The following TRIP12 variants were observed in gnomAD, a reference collection of about 807,000 sequenced individuals.
TRIP12 encodes the protein thyroid hormone receptor interactor 12.
TRIP12 carries 25 observed loss-of-function variants against 244.2 expected under a neutral mutation model. The observed-to-expected ratio is 0.10, with a 90% CI of 0.07 to 0.14. TRIP12 has a LOEUF of 0.14. TRIP12 is among the 10% of genes least tolerant of loss of function. The pLI is 1.00. For synonymous variants in TRIP12, 905 were observed against 873.1 expected, an observed-to-expected ratio of 1.04 and a Z score of -0.64; for missense variants, 1,677 against 2,486.4, an observed-to-expected ratio of 0.67 and a Z score of 6.92.
At chr2:229,862,647 T>TA (rs1208004307) in intron 2 of TRIP12, among the ~76,000 whole-genome samples, 1 of 152,154 alleles carries the variant, frequency 6.6e-6, no homozygotes, top group South Asian at 2.1e-4. Flanking sequence ...CCAAAACAAT[T>TA]AAAAATTATG....
In TRIP12 at chr2:229,835,693, T is replaced by C. The variant is rs115059549; in HGVS notation, c.1270+1155A>G. Among the ~76,000 whole-genome samples the C allele has an allele frequency of 6.1e-3, 935 of 152,348 alleles. 7 individuals carry two copies. The highest frequency in any genetic ancestry group is 0.021 in the African/African-American group (879 of 41,584). ...TGTAGTGTACACTGTATATTAGTTA[T>C]AATAATTACTGTAGTGAGTCTACAT... On this transcript the variant is annotated intron_variant, in intron 6 of 41. Coordinates refer to ENST00000675903, the MANE Select transcript of TRIP12 (RefSeq NM_001348323.3).
chr2:229,773,922 A>C (rs2035387777), intron 38 of TRIP12, 175 bp downstream of exon 38: 1 of 544,056 alleles, frequency 1.8e-6, no homozygotes, highest in Admixed American at 3.2e-5. Context: ...GAAATATCTG[A>C]TATGTGCACT....
rs2154335970 is a variant in TRIP12, at chr2:229,859,020, G to A, written c.779C>T (p.Pro260Leu). Residue 260 changes from proline to leucine, a missense_variant, in exon 4 of 42, where the codon CCA (proline) becomes CTA (leucine). Pro to Leu is a moderately conservative substitution (Grantham distance 98). This residue lies in a region of TRIP12 where 387 missense variants were observed against 392.6 expected (regional missense o/e 0.99). Coordinates refer to ENST00000675903, the MANE Select transcript of TRIP12 (RefSeq NM_001348323.3). Reference sequence around the variant, plus strand: ...TTTTCCTTGTTTCACTCTGGCACCTGGTGGTACAGTGGAGGAGGCCGAGGC... The same window carrying A: ...TTTTCCTTGTTTCACTCTGGCACCTAGTGGTACAGTGGAGGAGGCCGAGGC... ...AVASASSTVPPGARVKQGKDQ... is the reference protein window; with the variant it reads ...AVASASSTVPLGARVKQGKDQ... 6.2e-7 allele frequency: 1 copy of A among 1,614,188 alleles called. No individual in the cohort carries two copies. The highest frequency in any genetic ancestry group is 8.5e-7 in the Non-Finnish European group (1 of 1,180,038).
chr2:229,909,245 C>T (rs949632311), intron 1 of TRIP12, among the ~76,000 whole-genome samples: 3 of 151,894 alleles, frequency 2.0e-5, no homozygotes, highest in African/African-American at 7.3e-5. Context: ...TTCAAAAATA[C>T]TTATTATACC....
At chr2:229,831,873 T>G (rs1187893476) in intron 6 of TRIP12, among the ~76,000 whole-genome samples, 2 of 135,196 alleles carry the variant, frequency 1.5e-5, no homozygotes, top group South Asian at 2.4e-4. Flanking sequence ...AGGTTTTTTT[T>G]GTTTGTTTTT....
chr2:229,858,645 G>T, intron 4 of TRIP12, 127 bp downstream of exon 4: 1 of 797,258 alleles, frequency 1.3e-6, no homozygotes, highest in Middle Eastern at 3.8e-4. Flanking sequence ...TAATTACACA[G>T]ACAGTAATAC....
In TRIP12 at chr2:229,859,049, A is replaced by G. The variant is rs1311239619; in HGVS notation, c.750T>C (p.Ala250=). 3 of 1,614,092 alleles carry G rather than the reference A, an allele frequency of 1.9e-6. No homozygotes were observed. The highest frequency in any genetic ancestry group is 2.7e-5 in the African/African-American group (2 of 74,928). The change falls in exon 4 of 42, where the codon GCT becomes GCC. Residue 250 remains alanine, a synonymous_variant. Transcript: ENST00000675903. ...GTACAGTGGAGGAGGCCGAGGCTACAGCAGAAGACGAGGAGGAAGTAGAGG... is the reference window on the plus strand; with the variant it reads ...GTACAGTGGAGGAGGCCGAGGCTACGGCAGAAGACGAGGAGGAAGTAGAGG... ...SAASTSSSSS[A]VASASSTVPP...
chr2:229,788,668 G>A, intron 32 of TRIP12, 130 bp downstream of exon 32: 1 of 1,251,748 alleles, frequency 8.0e-7, no homozygotes, highest in Non-Finnish European at 1.1e-6. Context: ...ACACAATTAA[G>A]CAAGTTGTGA....
chr2:229,917,598 C>T (rs573769007), intron 1 of TRIP12, among the ~76,000 whole-genome samples: 1 of 152,064 alleles, frequency 6.6e-6, no homozygotes, highest in South Asian at 2.1e-4. Context: ...AACACTAAAA[C>T]ATGGCAGTGA....
intron 1 of TRIP12, among the ~76,000 whole-genome samples, chr2:229,893,386 C>T (rs762281473): frequency 6.6e-5 from 10 of 152,298 alleles, no homozygotes; most frequent in Middle Eastern, 3.4e-3. Flanking sequence ...ACCTATGTAA[C>T]CCAAATCCTT....
intron 1 of TRIP12, among the ~76,000 whole-genome samples, chr2:229,916,953 G>A (rs1324988209): frequency 1.3e-5 from 2 of 151,898 alleles, no homozygotes; most frequent in African/African-American, 2.4e-5. Context: ...TATGCACAGA[G>A]AAACCCAGCA....
At chr2:229,830,863 G>C (rs757425405) in intron 6 of TRIP12, 24 bp from the exon 7 acceptor site, 2 of 1,609,726 alleles carry the variant, frequency 1.2e-6, no homozygotes, top group South Asian at 2.2e-5. Flanking sequence ...GGAAAGATGA[G>C]GGTTAGGAGG....
At chr2:229,913,677 A>T (rs374183550) in intron 1 of TRIP12, among the ~76,000 whole-genome samples, 1 of 152,238 alleles carries the variant, frequency 6.6e-6, no homozygotes, top group African/African-American at 2.4e-5. Flanking sequence ...AACGATGCTA[A>T]TATTATTTCA....
intron 16 of TRIP12, 93 bp downstream of exon 16, chr2:229,808,159 G>T: frequency 2.1e-6 from 2 of 952,466 alleles, no homozygotes; most frequent in South Asian, 2.9e-5. Flanking sequence ...GTAGAGACGG[G>T]TTTTCATCAT....
At chr2:229,796,363 A>G (rs2042821022) in intron 25 of TRIP12, among the ~76,000 whole-genome samples, 1 of 152,206 alleles carries the variant, frequency 6.6e-6, no homozygotes, top group African/African-American at 2.4e-5. Context: ...AAGACTCAAG[A>G]TACTTCAATC....
At chr2:229,810,773 C>T in intron 15 of TRIP12, 107 bp downstream of exon 15, 1 of 1,121,116 alleles carries the variant, frequency 8.9e-7, no homozygotes, top group Admixed American at 2.6e-5. Context: ...CTATCCAATG[C>T]CTATAATATT....
chr2:229,780,963 C>G (rs531887425), intron 34 of TRIP12, among the ~76,000 whole-genome samples: 4 of 152,328 alleles, frequency 2.6e-5, no homozygotes, highest in East Asian at 3.9e-4. Flanking sequence ...CTAGATGGTG[C>G]TAGTCAATTC....
At chr2:229,784,533 A>AC (rs60770371) in intron 34 of TRIP12, among the ~76,000 whole-genome samples, 120,122 of 147,664 alleles carry the variant, frequency 0.81, 49,146 homozygotes, top group African/African-American at 0.89. Flanking sequence ...AAAAAGATAA[A>AC]TGGATTTCAT....
Position 229,858,792 on chromosome 2 carries a change from C to A in TRIP12, c.1007G>T (p.Gly336Val). Residue 336 changes from glycine to valine, a missense_variant, in exon 4 of 42, where the codon GGA becomes GTA. Around this residue, in one of 11 missense-constraint regions of TRIP12, gnomAD observed 143 missense variants for 215.6 expected, o/e 0.66. Coordinates refer to ENST00000675903, the MANE Select transcript of TRIP12 (RefSeq NM_001348323.3). ...KSETSKPGPS[G>V]LQAKLASLRK... ...CTTACTTGCTAATTTGGCCTGTAAT[C>A]CAGAAGGTCCAGGTTTTGATGTCTC... The A allele has an allele frequency of 6.3e-7, 1 of 1,581,464 alleles. No individual in the cohort carries two copies. The highest frequency in any genetic ancestry group is 8.6e-7 in the Non-Finnish European group (1 of 1,160,176).
Sources: gnomAD v4.1 joint callset for allele counts (sites outside exome capture counted in the v4.1 genomes callset) on GRCh38, gnomAD v4.1.1 for gene constraint, gnomAD v4.1.1 regional missense constraint, MANE v1.5 for transcripts, NCBI Gene and HGNC (gene_info 2026-07-23, HGNC 2026-07-21) for gene names.